CCDC152: variants seen among roughly 807,000 people sequenced by gnomAD.
CCDC152 encodes coiled-coil domain-containing protein 152.
CCDC152 carries 37 observed loss-of-function variants against 38.1 expected under a neutral mutation model. The observed-to-expected ratio is 0.97, with a 90% CI of 0.75 to 1.28. CCDC152 has a LOEUF of 1.28. Ranked by LOEUF, CCDC152 falls within the 50% of genes most tolerant of loss-of-function variation. The pLI, the probability that CCDC152 is intolerant of heterozygous loss-of-function variation, is 0.00. For synonymous variants in CCDC152, 83 were observed against 87.1 expected, an observed-to-expected ratio of 0.95 and a Z score of 0.26; for missense variants, 259 against 292.1, an observed-to-expected ratio of 0.89 and a Z score of 0.83.
intron 7 of CCDC152, among the ~76,000 whole-genome samples, chr5:42,798,154 TAAAC>T (rs1284146112): frequency 5.3e-5 from 8 of 151,998 alleles, no homozygotes; most frequent in East Asian, 1.9e-4. Context: ...AATAAATAAA[TAAAC>T]AAACAGTCTT....
Position 42,762,537 on chromosome 5 carries a change from C to G in CCDC152, c.182C>G (p.Ser61Cys). ...LLKVMQAKEV[S>C]IKEECATLHN... The stretch of plus-strand genomic sequence containing the variant: ...AAAGTAATGCAAGCAAAGGAGGTCT[C>G]CATTAAAGAAGGTTAGTTATTTGCT... The change falls in exon 3 of 9, where the codon TCC becomes TGC. Residue 61 changes from serine (S) to cysteine (C), a missense_variant. Transcript: ENST00000361970. 1 of 1,512,644 alleles carries G rather than the reference C, an allele frequency of 6.6e-7. No individual in the cohort carries two copies. Among genetic ancestry groups the G allele is most frequent in the Non-Finnish European group, 9.0e-7 (1 of 1,112,924 alleles). The allele number at this position is 1,512,644 out of a possible 1,614,324, so 93.7% of individuals were successfully genotyped here. A position where few individuals can be genotyped will look rare whatever the true frequency, so the allele number is the denominator to read the frequency against.
At chr5:42,760,546 C>T (rs1370316835) in intron 2 of CCDC152, among the ~76,000 whole-genome samples, 1 of 152,186 alleles carries the variant, frequency 6.6e-6, no homozygotes, top group Non-Finnish European at 1.5e-5. Context: ...TTTATCCTCC[C>T]TCCTCTGCCT....
At chr5:42,773,492 T>C (rs1051532986) in intron 4 of CCDC152, among the ~76,000 whole-genome samples, 1 of 152,182 alleles carries the variant, frequency 6.6e-6, no homozygotes, top group African/African-American at 2.4e-5. Context: ...AACTGAACAA[T>C]TGCATGTTTA....
rs58340719 is a variant in CCDC152, at chr5:42,795,790, C to T, written c.431-1039C>T. Among the ~76,000 whole-genome samples, 1,258 of 151,738 alleles carry T rather than the reference C, an allele frequency of 8.3e-3. 11 individuals carry two copies. The highest frequency in any genetic ancestry group is 0.029 in the African/African-American group (1,212 of 41,338). The stretch of plus-strand genomic sequence containing the variant: ...ATGCTGCTATAAAGACACATGCACG[C>T]GTATGTTTATTGCGGCACTATTCAC... On this transcript the variant is annotated intron_variant, in intron 6 of 8. Coordinates refer to ENST00000361970, the MANE Select transcript of CCDC152 (RefSeq NM_001134848.2).
At chr5:42,781,743 T>C (rs1358883273) in intron 5 of CCDC152, among the ~76,000 whole-genome samples, 1 of 152,182 alleles carries the variant, frequency 6.6e-6, no homozygotes, top group Non-Finnish European at 1.5e-5. Flanking sequence ...TGTGTGCACA[T>C]ATATACATGT....
chr5:42,782,919 T>C (rs1759867910), intron 5 of CCDC152, among the ~76,000 whole-genome samples: 1 of 152,068 alleles, frequency 6.6e-6, no homozygotes, highest in South Asian at 2.1e-4. Flanking sequence ...CAGGCTGGAG[T>C]GCAGTGGTGC....
At chr5:42,763,190 G>A (rs1376523217) in intron 3 of CCDC152, among the ~76,000 whole-genome samples, 1 of 152,086 alleles carries the variant, frequency 6.6e-6, no homozygotes, top group Non-Finnish European at 1.5e-5. Flanking sequence ...CAAACAAAAA[G>A]CACCCCACAG....
chr5:42,759,005 A>G lies in CCDC152; in HGVS notation c.-2-115A>G, dbSNP rs1759515134. On this transcript the variant is annotated intron_variant, in intron 1 of 8. Coordinates refer to ENST00000361970, the MANE Select transcript of CCDC152 (RefSeq NM_001134848.2). ...AATTCTCGCAGTGCAATGGAGCCCAAGTAGGTGCCCTATGAGTTGAATATA... is the reference window on the plus strand; with the variant it reads ...AATTCTCGCAGTGCAATGGAGCCCAGGTAGGTGCCCTATGAGTTGAATATA... 7.4e-6 allele frequency: 5 copies of G among 672,888 alleles called. No homozygotes were observed. In the South Asian group the frequency reaches 8.2e-5, roughly 11 times the overall value. The allele number at this position is 672,888 out of a possible 1,614,324, so 41.7% of individuals were successfully genotyped here. A position where few individuals can be genotyped will look rare whatever the true frequency, so the allele number is the denominator to read the frequency against.
intron 2 of CCDC152, among the ~76,000 whole-genome samples, chr5:42,762,232 C>T (rs1329398286): frequency 6.6e-6 from 1 of 152,184 alleles, no homozygotes. Context: ...TTGTATAGGG[C>T]AGCTCCATTA....
intron 5 of CCDC152, among the ~76,000 whole-genome samples, chr5:42,779,747 C>T (rs1397438928): frequency 6.6e-6 from 1 of 151,040 alleles, no homozygotes. Context: ...ATATAATGTA[C>T]TAACAAATAA....
At chr5:42,767,572 C>T (rs975174780) in intron 3 of CCDC152, among the ~76,000 whole-genome samples, 3 of 152,140 alleles carry the variant, frequency 2.0e-5, no homozygotes, top group Non-Finnish European at 2.9e-5. Flanking sequence ...ACAACAACAA[C>T]AACAACAAAC....
intron 3 of CCDC152, among the ~76,000 whole-genome samples, chr5:42,768,341 A>T (rs1759652751): frequency 6.6e-6 from 1 of 151,810 alleles, no homozygotes; most frequent in Admixed American, 6.6e-5. Context: ...CCTACTATGG[A>T]CCACAAGTGT....
chr5:42,788,200 A>G, intron 6 of CCDC152, among the ~76,000 whole-genome samples: 1 of 140,626 alleles, frequency 7.1e-6, no homozygotes, highest in East Asian at 2.3e-4. Context: ...TGTTTGGTGG[A>G]TATAAAATTC....
intron 4 of CCDC152, among the ~76,000 whole-genome samples, chr5:42,776,337 A>C (rs1299783220): frequency 6.6e-6 from 1 of 152,190 alleles, no homozygotes; most frequent in Non-Finnish European, 1.5e-5. Flanking sequence ...AAAATTATCC[A>C]GGATAAAAAG....
At chr5:42,765,808 G>A (rs1417789971) in intron 3 of CCDC152, among the ~76,000 whole-genome samples, 2 of 152,070 alleles carry the variant, frequency 1.3e-5, no homozygotes, top group African/African-American at 2.4e-5. Flanking sequence ...CTATGAAACT[G>A]TTACAAGAAG....
chr5:42,763,492 G>A (rs1759584048), intron 3 of CCDC152, among the ~76,000 whole-genome samples: 1 of 151,948 alleles, frequency 6.6e-6, no homozygotes, highest in Non-Finnish European at 1.5e-5. Flanking sequence ...GTATGGAAAG[G>A]GTGAGGGTAG....
chr5:42,763,126 C>G (rs1418346750), intron 3 of CCDC152, among the ~76,000 whole-genome samples: 2 of 151,990 alleles, frequency 1.3e-5, no homozygotes, highest in African/African-American at 4.8e-5. Context: ...CAATAAGCCT[C>G]AAGCATCTTG....
chr5:42,766,414 G>A (rs987676221), intron 3 of CCDC152, among the ~76,000 whole-genome samples: 2 of 152,162 alleles, frequency 1.3e-5, no homozygotes, highest in African/African-American at 2.4e-5. Context: ...CCACTGCTGG[G>A]TATATACACA....
intron 3 of CCDC152, among the ~76,000 whole-genome samples, chr5:42,766,214 A>G (rs1267322508): frequency 6.6e-6 from 1 of 152,178 alleles, no homozygotes; most frequent in Admixed American, 6.5e-5. Context: ...CTATAATGAA[A>G]TCTCATCTCA....
Sources: allele counts gnomAD v4.1 joint callset (sites outside exome capture counted in the v4.1 genomes callset), GRCh38; gene constraint gnomAD v4.1.1; transcripts MANE v1.5; gene names NCBI Gene and HGNC (gene_info 2026-07-23, HGNC 2026-07-21).